The following WBP1L variants were observed in gnomAD, a reference collection of about 807,000 sequenced individuals.
The protein encoded by WBP1L is WW domain binding protein 1-like.
WBP1L carries 17 observed loss-of-function variants against 33.7 expected under a neutral mutation model. That is an observed-to-expected ratio of 0.50 (90% CI 0.34 to 0.76). The LOEUF (loss-of-function observed/expected upper bound fraction) is 0.76. Ranked by LOEUF, WBP1L falls within the 30% of genes least tolerant of loss-of-function variation. The pLI, the probability that WBP1L is intolerant of heterozygous loss-of-function variation, is 0.01. For synonymous variants in WBP1L, 173 were observed against 190.8 expected, an observed-to-expected ratio of 0.91 and a Z score of 0.77; for missense variants, 389 against 469.4, an observed-to-expected ratio of 0.83 and a Z score of 1.58.
intron 1 of WBP1L, among the ~76,000 whole-genome samples, chr10:102,788,481 A>G (rs1843452430): frequency 6.6e-6 from 1 of 152,130 alleles, no homozygotes; most frequent in African/African-American, 2.4e-5. Flanking sequence ...CCTCCTTACC[A>G]CCTACAAATA....
At chr10:102,760,547 T>C (rs1157710987) in intron 1 of WBP1L, among the ~76,000 whole-genome samples, 2 of 151,974 alleles carry the variant, frequency 1.3e-5, no homozygotes, top group African/African-American at 4.8e-5. Context: ...CTGCTAATTT[T>C]GTATTGTTAG....
chr10:102,806,419 G>A (rs1843736595), intron 2 of WBP1L, among the ~76,000 whole-genome samples: 1 of 152,104 alleles, frequency 6.6e-6, no homozygotes, highest in Non-Finnish European at 1.5e-5. Flanking sequence ...CCTAGGAGAT[G>A]TTATCAAACT....
At chr10:102,806,356 C>T (rs181273124) in intron 2 of WBP1L, among the ~76,000 whole-genome samples, 1 of 152,142 alleles carries the variant, frequency 6.6e-6, no homozygotes, top group Admixed American at 6.5e-5. Flanking sequence ...TTAGACTTGA[C>T]TCCGAAATAC....
intron 1 of WBP1L, among the ~76,000 whole-genome samples, chr10:102,785,649 A>G (rs542895245): frequency 6.6e-6 from 1 of 152,336 alleles, no homozygotes; most frequent in South Asian, 2.1e-4. Context: ...CATGGCACCA[A>G]CTGTGAGTGG....
intron 1 of WBP1L, 168 bp downstream of exon 1, chr10:102,744,311 C>A: frequency 1.1e-6 from 1 of 938,388 alleles, no homozygotes; most frequent in Non-Finnish European, 1.3e-6. Flanking sequence ...CTGAGGGACA[C>A]CTGTGACAGT....
Position 102,761,121 on chromosome 10 carries a change from G to GTT in WBP1L, c.90+16994_90+16995dup, listed in dbSNP as rs111654669. Reference sequence around the variant, plus strand: ...AGGGTTTCACCATGTTGGCCAGGCTGTTTTTTTTTTTTTTTTTCTTTTCTT... The same window carrying GTT: ...AGGGTTTCACCATGTTGGCCAGGCTGTTTTTTTTTTTTTTTTTTTCTTTTCTT... On this transcript the variant is annotated intron_variant, in intron 1 of 3. Coordinates refer to ENST00000448841, the MANE Select transcript of WBP1L (RefSeq NM_001083913.2). Among the ~76,000 whole-genome samples, 557 of 134,084 alleles carry GTT rather than the reference G, an allele frequency of 4.2e-3. 1 individual carries two copies. The highest frequency in any genetic ancestry group is 0.014 in the African/African-American group (510 of 36,318). The allele number at this position is 134,084 out of a possible 152,430, so 88.0% of individuals were successfully genotyped here. A position where few individuals can be genotyped will look rare whatever the true frequency, so the allele number is the denominator to read the frequency against.
At chr10:102,776,847 GT>G (rs1433078774) in intron 1 of WBP1L, among the ~76,000 whole-genome samples, 2 of 152,112 alleles carry the variant, frequency 1.3e-5, no homozygotes, top group African/African-American at 4.8e-5. Flanking sequence ...TGTGTTGGGG[GT>G]GGGGTGAGGG....
chr10:102,802,995 A>C (rs768349729), intron 2 of WBP1L, among the ~76,000 whole-genome samples: 1 of 152,220 alleles, frequency 6.6e-6, no homozygotes, highest in Non-Finnish European at 1.5e-5. Flanking sequence ...TAAGTTAGAG[A>C]CCTTTATTCT....
chr10:102,769,429 C>A (rs573526093), intron 1 of WBP1L, among the ~76,000 whole-genome samples: 4 of 147,706 alleles, frequency 2.7e-5, no homozygotes, highest in South Asian at 2.1e-4. Context: ...TCTTGTGTGA[C>A]TGTGTTTGTC....
chr10:102,795,624 G>A (rs1400563751), intron 1 of WBP1L, among the ~76,000 whole-genome samples: 1 of 152,188 alleles, frequency 6.6e-6, no homozygotes, highest in African/African-American at 2.4e-5. Context: ...CATGTGTTCC[G>A]AGCCTGGGCT....
At chr10:102,766,087 C>A (rs1564756800) in intron 1 of WBP1L, among the ~76,000 whole-genome samples, 1 of 151,910 alleles carries the variant, frequency 6.6e-6, no homozygotes, top group Non-Finnish European at 1.5e-5. Flanking sequence ...ATCACTTGAA[C>A]CTAGGAGTTC....
intron 1 of WBP1L, among the ~76,000 whole-genome samples, chr10:102,784,855 C>T (rs980269882): frequency 2.8e-5 from 4 of 143,486 alleles, no homozygotes; most frequent in Admixed American, 7.3e-5. Flanking sequence ...CCCACTGCAC[C>T]CAGCCCACTT....
At chr10:102,770,066 C>T (rs1218234895) in intron 1 of WBP1L, among the ~76,000 whole-genome samples, 9 of 152,194 alleles carry the variant, frequency 5.9e-5, no homozygotes, top group African/African-American at 1.4e-4. Context: ...AGTTAAGCAA[C>T]CTATAGTGTT....
chr10:102,773,536 G>T (rs192842624), intron 1 of WBP1L, among the ~76,000 whole-genome samples: 6 of 142,304 alleles, frequency 4.2e-5, no homozygotes, highest in South Asian at 2.3e-4. Flanking sequence ...GTTTTTTTTT[G>T]GATTTCTAGT....
intron 2 of WBP1L, chr10:102,803,819 A>T (rs1843693540): frequency 6.6e-6 from 1 of 152,082 alleles, no homozygotes; most frequent in African/African-American, 2.4e-5. Context: ...TGTGTTAGCT[A>T]GGATGGTCTC....
At chr10:102,784,436 T>C (rs1788360637) in intron 1 of WBP1L, among the ~76,000 whole-genome samples, 1 of 146,728 alleles carries the variant, frequency 6.8e-6, no homozygotes, top group African/African-American at 2.5e-5. Context: ...TTTTTTTTTT[T>C]TTTTTTTGAG....
chr10:102,796,530 G>A (rs757644079), intron 1 of WBP1L, among the ~76,000 whole-genome samples: 1 of 152,190 alleles, frequency 6.6e-6, no homozygotes, highest in African/African-American at 2.4e-5. Context: ...GCCCAGAGAG[G>A]AGGAGCCGAC....
intron 2 of WBP1L, among the ~76,000 whole-genome samples, chr10:102,805,529 C>G (rs1365777423): frequency 6.6e-6 from 1 of 151,770 alleles, no homozygotes; most frequent in African/African-American, 2.4e-5. Context: ...TCCCAAGTAG[C>G]TAGGATTTTA....
chr10:102,783,176 C>G (rs1417312254), intron 1 of WBP1L, among the ~76,000 whole-genome samples: 3 of 152,136 alleles, frequency 2.0e-5, no homozygotes, highest in Non-Finnish European at 4.4e-5. Context: ...TACAGTCATT[C>G]CTGCGTCTCT....
Sources: gnomAD v4.1 joint callset for allele counts (sites outside exome capture counted in the v4.1 genomes callset) on GRCh38, gnomAD v4.1.1 for gene constraint, MANE v1.5 for transcripts, NCBI Gene and HGNC (gene_info 2026-07-23, HGNC 2026-07-21) for gene names.